The following WDR70 variants were observed in gnomAD, a reference collection of about 807,000 sequenced individuals.
The protein encoded by WDR70 is WD repeat domain 70, also known as WD repeat-containing protein 70.
Under a neutral mutation model 88.6 loss-of-function variants are expected in WDR70, and 53 were observed. The observed-to-expected ratio is 0.60, with a 90% CI of 0.48 to 0.75. The LOEUF (loss-of-function observed/expected upper bound fraction) is 0.75, where lower values mean the gene tolerates loss of function less well. Among genes scored for constraint, WDR70 ranks in the 30% least tolerant of loss-of-function variants. The pLI, the probability that WDR70 is intolerant of heterozygous loss-of-function variation, is 0.00. For synonymous variants in WDR70, 280 were observed against 270.0 expected, an observed-to-expected ratio of 1.04 and a Z score of -0.36; for missense variants, 610 against 823.2, an observed-to-expected ratio of 0.74 and a Z score of 3.17.
chr5:37,701,483 GT>G (rs1224431161), intron 12 of WDR70, among the ~76,000 whole-genome samples: 1 of 152,016 alleles, frequency 6.6e-6, no homozygotes, highest in African/African-American at 2.4e-5. Context: ...AAAATTTGTG[GT>G]TTTTAAAAAT....
Position 37,564,333 on chromosome 5 carries a change from G to A in WDR70, c.918-40731G>A, listed in dbSNP as rs1313513186. ...GTGGTTAGGAGCTGGAGACCAGCCC[G>A]GCCAACACAGCGAAACCCCGTCTCC... On this transcript the variant is annotated intron_variant, in intron 9 of 17. Coordinates refer to ENST00000265107, the MANE Select transcript of WDR70 (RefSeq NM_018034.4). Among the ~76,000 whole-genome samples, 6 of 152,348 alleles carry A rather than the reference G, an allele frequency of 3.9e-5. No homozygotes were observed. In the East Asian group the frequency reaches 9.6e-4, roughly 24 times the overall value.
chr5:37,623,646 A>C (rs550006900), intron 10 of WDR70, among the ~76,000 whole-genome samples: 2 of 152,280 alleles, frequency 1.3e-5, no homozygotes, highest in East Asian at 3.9e-4. Flanking sequence ...AATATGGCTT[A>C]TCTTCTTATG....
chr5:37,402,640 T>C (rs371526673), intron 5 of WDR70, among the ~76,000 whole-genome samples: 6 of 152,294 alleles, frequency 3.9e-5, no homozygotes, highest in Admixed American at 2.0e-4. Context: ...CTCTTCCTTA[T>C]GCTAGGAACA....
At chr5:37,411,931 T>C (rs1749538382) in intron 5 of WDR70, among the ~76,000 whole-genome samples, 1 of 151,070 alleles carries the variant, frequency 6.6e-6, no homozygotes, top group Non-Finnish European at 1.5e-5. Flanking sequence ...ATATTATAAT[T>C]TCTTTTTGAT....
At chr5:37,595,705 T>G (rs1403715171) in intron 9 of WDR70, among the ~76,000 whole-genome samples, 1 of 152,210 alleles carries the variant, frequency 6.6e-6, no homozygotes, top group Non-Finnish European at 1.5e-5. Flanking sequence ...ATTACACATA[T>G]TAACATTTAT....
At chr5:37,513,020 C>A (rs1295161324) in intron 8 of WDR70, among the ~76,000 whole-genome samples, 1 of 152,118 alleles carries the variant, frequency 6.6e-6, no homozygotes, top group Non-Finnish European at 1.5e-5. Context: ...CTGGGGTATT[C>A]CCTTCTGTTT....
At chr5:37,496,794 T>A (rs1175387931) in intron 8 of WDR70, among the ~76,000 whole-genome samples, 1 of 152,148 alleles carries the variant, frequency 6.6e-6, no homozygotes, top group Non-Finnish European at 1.5e-5. Context: ...TCTGTAGAAT[T>A]CCTGAGTCTG....
intron 9 of WDR70, among the ~76,000 whole-genome samples, chr5:37,590,140 C>T (rs750355957): frequency 6.6e-6 from 1 of 152,070 alleles, no homozygotes; most frequent in Non-Finnish European, 1.5e-5. Context: ...ATGGAATTTT[C>T]AGCTATACTG....
At chr5:37,587,653 C>T (rs1470136781) in intron 9 of WDR70, among the ~76,000 whole-genome samples, 2 of 152,132 alleles carry the variant, frequency 1.3e-5, no homozygotes, top group East Asian at 3.9e-4. Context: ...TCCATGTATC[C>T]ACCAAGGTAC....
rs144750081 is a variant in WDR70, at chr5:37,724,242, A to G, written c.1598-692A>G. 2.0e-5 allele frequency: 3 copies of G among 152,206 alleles called. No homozygotes were observed. In the East Asian group the frequency reaches 5.8e-4, roughly 29 times the overall value. The allele number at this position is 152,206 out of a possible 1,614,324, so 9.4% of individuals were successfully genotyped here. The stretch of plus-strand genomic sequence containing the variant: ...CTGTTTTCCTTTTTAAATTCTTATA[A>G]TCTTTTATATTCTGAAATTTAATTT... On this transcript the variant is annotated intron_variant, in intron 15 of 17. Transcript: ENST00000265107.
At chr5:37,388,145 A>G (rs1393905925) in intron 3 of WDR70, among the ~76,000 whole-genome samples, 1 of 151,926 alleles carries the variant, frequency 6.6e-6, no homozygotes, top group Non-Finnish European at 1.5e-5. Context: ...CTTGAGACAG[A>G]GTCTCTCTCT....
chr5:37,714,921 C>T (rs1488247003), intron 13 of WDR70, among the ~76,000 whole-genome samples: 3 of 152,128 alleles, frequency 2.0e-5, no homozygotes, highest in Non-Finnish European at 4.4e-5. Context: ...CTTCCATTTT[C>T]TCTGAGAACT....
chr5:37,480,249 G>C (rs1388598867), intron 8 of WDR70, among the ~76,000 whole-genome samples: 27 of 152,092 alleles, frequency 1.8e-4, no homozygotes. Context: ...CTGTGTCTTT[G>C]CCTCTTCCTT....
chr5:37,427,478 A>G (rs1168103650), intron 5 of WDR70, among the ~76,000 whole-genome samples: 1 of 152,214 alleles, frequency 6.6e-6, no homozygotes, highest in Non-Finnish European at 1.5e-5. Context: ...ACATACATGT[A>G]CATGTACACA....
At chr5:37,502,096 T>C (rs1740420553) in intron 8 of WDR70, among the ~76,000 whole-genome samples, 1 of 152,222 alleles carries the variant, frequency 6.6e-6, no homozygotes, top group Admixed American at 6.5e-5. Context: ...GTTTGTGTCA[T>C]TTGTGATTTC....
chr5:37,604,734 C>T (rs760882343), intron 9 of WDR70, among the ~76,000 whole-genome samples: 15 of 152,158 alleles, frequency 9.9e-5, no homozygotes, highest in Non-Finnish European at 2.1e-4. Context: ...AGACATTAAG[C>T]AGTTTGGCTG....
chr5:37,571,488 T>A (rs532958704), intron 9 of WDR70, among the ~76,000 whole-genome samples: 45 of 152,324 alleles, frequency 3.0e-4, no homozygotes, highest in Non-Finnish European at 4.9e-4. Flanking sequence ...GGAGGATTAT[T>A]TTAAGTCCAT....
chr5:37,593,232 T>C (rs944398812), intron 9 of WDR70, among the ~76,000 whole-genome samples: 3 of 152,188 alleles, frequency 2.0e-5, no homozygotes, highest in African/African-American at 7.2e-5. Context: ...TAGGTATACA[T>C]GTGCCATGTT....
At chr5:37,580,149 TC>T (rs1743178168) in intron 9 of WDR70, among the ~76,000 whole-genome samples, 1 of 152,248 alleles carries the variant, frequency 6.6e-6, no homozygotes, top group African/African-American at 2.4e-5. Flanking sequence ...TTTAATGAAT[TC>T]ACTTAATTTT....
Sources: gnomAD v4.1 joint callset for allele counts (sites outside exome capture counted in the v4.1 genomes callset) on GRCh38, gnomAD v4.1.1 for gene constraint, MANE v1.5 for transcripts, NCBI Gene and HGNC (gene_info 2026-07-23, HGNC 2026-07-21) for gene names.